Variants in SORCS2 observed in about 807,000 individuals in gnomAD.
SORCS2 encodes sortilin related VPS10 domain containing receptor 2.
Under a neutral mutation model 141.6 loss-of-function variants are expected in SORCS2, and 100 were observed. That is an observed-to-expected ratio of 0.71 (90% CI 0.60 to 0.83). SORCS2 has a LOEUF of 0.83. SORCS2 is among the 40% of genes least tolerant of loss of function. SORCS2 has a pLI of 0.00. For synonymous variants in SORCS2, 789 were observed against 676.9 expected, an observed-to-expected ratio of 1.17 and a Z score of -2.57; for missense variants, 1,646 against 1,560.2, an observed-to-expected ratio of 1.05 and a Z score of -0.93.
chr4:7,327,449 A>G (rs1018008658), intron 1 of SORCS2, among the ~76,000 whole-genome samples: 2 of 152,190 alleles, frequency 1.3e-5, no homozygotes, highest in African/African-American at 2.4e-5. Flanking sequence ...GTATGAGCTC[A>G]TCTTTATGTG....
intron 2 of SORCS2, among the ~76,000 whole-genome samples, chr4:7,424,933 C>G (rs1726324020): frequency 6.6e-6 from 1 of 152,386 alleles, no homozygotes; most frequent in African/African-American, 2.4e-5. Context: ...TCCCAGGACA[C>G]TGGCATGGGT....
At chr4:7,535,427 G>C (rs6854459) in intron 3 of SORCS2, among the ~76,000 whole-genome samples, 30,341 of 152,206 alleles carry the variant, frequency 0.2, 3,882 homozygotes, top group African/African-American at 0.36. Context: ...ATAGGGGCCT[G>C]TTCCTGGGTC....
At chr4:7,229,329 G>A (rs1197735018) in intron 1 of SORCS2, among the ~76,000 whole-genome samples, 1 of 151,714 alleles carries the variant, frequency 6.6e-6, no homozygotes, top group African/African-American at 2.4e-5. Flanking sequence ...CCAGCTGACA[G>A]GAGCCCCTCT....
rs540668940 is a variant in SORCS2 at position 7,423,997 on chromosome 4, G to A, written c.548+27642G>A. On this transcript the variant is annotated intron_variant, in intron 2 of 26. Transcript: ENST00000507866. The stretch of plus-strand genomic sequence containing the variant: ...AGGCATGCTGTGGCTTAGGAGGATG[G>A]CAGGGCGCTCCGTGTCCTGGCATCC... Among the ~76,000 whole-genome samples the A allele has an allele frequency of 2.0e-5, 3 of 152,320 alleles. No homozygotes were observed. In the East Asian group the frequency reaches 5.8e-4, roughly 29 times the overall value.
At chr4:7,724,117 G>C (rs1427990185) in intron 19 of SORCS2, among the ~76,000 whole-genome samples, 1 of 87,900 alleles carries the variant, frequency 1.1e-5, no homozygotes, top group African/African-American at 3.3e-5. Context: ...TGGTGGTGAT[G>C]GTGGTGGTGG....
chr4:7,696,484 G>A (rs924822993), intron 11 of SORCS2, among the ~76,000 whole-genome samples: 4 of 152,184 alleles, frequency 2.6e-5, no homozygotes, highest in African/African-American at 9.7e-5. Context: ...GACTCACGTG[G>A]GTTCAGCTTC....
intron 12 of SORCS2, among the ~76,000 whole-genome samples, chr4:7,698,157 T>C (rs1724831455): frequency 6.6e-6 from 1 of 152,206 alleles, no homozygotes; most frequent in Non-Finnish European, 1.5e-5. Flanking sequence ...GAACATGGTC[T>C]TTCTGGCTGA....
intron 3 of SORCS2, among the ~76,000 whole-genome samples, chr4:7,605,377 G>A (rs553886005): frequency 2.0e-5 from 3 of 152,228 alleles, no homozygotes; most frequent in East Asian, 3.9e-4. Flanking sequence ...ATTCCACATG[G>A]CTGTATTGGG....
rs185522488 is a variant in SORCS2, at chr4:7,714,247, G to A, written c.1997G>A (p.Arg666His). The A allele has an allele frequency of 1.3e-4, 206 of 1,610,442 alleles. No individual in the cohort carries two copies. Among genetic ancestry groups the A allele is most frequent in the Middle Eastern group, 6.6e-4 (4 of 6,056 alleles). ...SWELSNLQGDRCIMGQQRSFR... is the reference protein window; with the variant it reads ...SWELSNLQGDHCIMGQQRSFR... ...CTGATGTTCCTGCTGCAGGGCGACCGCTGTATCATGGGCCAGCAGAGAAGT... is the reference window on the plus strand; with the variant it reads ...CTGATGTTCCTGCTGCAGGGCGACCACTGTATCATGGGCCAGCAGAGAAGT... The change falls in exon 16 of 27, where the codon CGC becomes CAC. Residue 666 changes from arginine (R) to histidine (H), a missense_variant. Transcript: ENST00000507866.
At chr4:7,552,770 C>A (rs188974485) in intron 3 of SORCS2, among the ~76,000 whole-genome samples, 1 of 152,088 alleles carries the variant, frequency 6.6e-6, no homozygotes, top group African/African-American at 2.4e-5. Context: ...CACTCCAGCA[C>A]CCCTGAGCTC....
chr4:7,466,361 G>A (rs1183264682), intron 2 of SORCS2, among the ~76,000 whole-genome samples: 1 of 152,146 alleles, frequency 6.6e-6, no homozygotes, highest in Non-Finnish European at 1.5e-5. Flanking sequence ...GTCCACCATG[G>A]CACCCAGGAC....
At position 7,648,188 on chromosome 4, in the gene SORCS2, A is replaced by AGAG. The variant is rs56241745; in HGVS notation, c.814-5922_814-5920dup. On this transcript the variant is annotated intron_variant, in intron 4 of 26. Transcript: ENST00000507866. The surrounding 1 kb of genome is among the most constrained non-coding windows in gnomAD (Gnocchi z 4.2). ...GAGGGAGGCCATTTACTGAGACCGC[A>AGAG]GAGGAGGAGGAGGAGGAGGAGGAGG... 2.0e-4 allele frequency among the ~76,000 whole-genome samples: 30 copies of AGAG among 150,344 alleles called. No homozygotes were observed. The highest frequency in any genetic ancestry group is 5.9e-4 in the African/African-American group (24 of 40,716).
chr4:7,427,724 C>G (rs192043909), intron 2 of SORCS2, among the ~76,000 whole-genome samples: 2 of 152,094 alleles, frequency 1.3e-5, no homozygotes, highest in East Asian at 1.9e-4. Flanking sequence ...CACATGGAGG[C>G]AGGGGGCAAG....
At chr4:7,621,456 TGA>T (rs1252407860) in intron 3 of SORCS2, among the ~76,000 whole-genome samples, 1 of 144,652 alleles carries the variant, frequency 6.9e-6, no homozygotes, top group South Asian at 2.1e-4. Context: ...TGTGTCTGTG[TGA>T]GTGTTTATGT....
intron 11 of SORCS2, among the ~76,000 whole-genome samples, chr4:7,695,648 A>G (rs868487719): frequency 0.2 from 189 of 968 alleles, 65 homozygotes; most frequent in Non-Finnish European, 0.23. Context: ...GGATGGATGG[A>G]TGGATGGATG....
At chr4:7,570,139 G>A (rs569315660) in intron 3 of SORCS2, among the ~76,000 whole-genome samples, 7 of 152,328 alleles carry the variant, frequency 4.6e-5, no homozygotes, top group Middle Eastern at 6.8e-3. Flanking sequence ...AGAGGGGAGC[G>A]AGGAGATTCA....
At chr4:7,600,102 A>G (rs1300721188) in intron 3 of SORCS2, among the ~76,000 whole-genome samples, 1 of 152,126 alleles carries the variant, frequency 6.6e-6, no homozygotes, top group Non-Finnish European at 1.5e-5. Flanking sequence ...GATTACAGCC[A>G]TGAGCCACCA....
intron 11 of SORCS2, among the ~76,000 whole-genome samples, chr4:7,695,734 T>TG (rs1724629764): frequency 4.9e-3 from 3 of 616 alleles, no homozygotes; most frequent in Non-Finnish European, 6.0e-3. Context: ...ATGGATGGAT[T>TG]GGTGGGTGGA....
chr4:7,228,816 C>T (rs1007737924), intron 1 of SORCS2, among the ~76,000 whole-genome samples: 3 of 152,218 alleles, frequency 2.0e-5, no homozygotes, highest in Non-Finnish European at 2.9e-5. Flanking sequence ...TCAGTCCATG[C>T]GACCAGGGCC....
Sources: gnomAD v4.1 joint callset for allele counts (sites outside exome capture counted in the v4.1 genomes callset) on GRCh38, gnomAD v4.1.1 for gene constraint, Gnocchi (gnomAD v3.1) non-coding constraint, MANE v1.5 for transcripts, NCBI Gene and HGNC (gene_info 2026-07-23, HGNC 2026-07-21) for gene names.